The following ZSWIM4 variants were observed in gnomAD, a reference collection of about 807,000 sequenced individuals.
The protein encoded by ZSWIM4 is zinc finger SWIM-type containing 4.
Under a neutral mutation model 102.5 loss-of-function variants are expected in ZSWIM4, and 62 were observed. That is an observed-to-expected ratio of 0.60 (90% CI 0.49 to 0.75). The LOEUF (loss-of-function observed/expected upper bound fraction) is 0.75, where lower values mean the gene tolerates loss of function less well. Ranked by LOEUF, ZSWIM4 falls within the 30% of genes least tolerant of loss-of-function variation. The pLI is 0.00. For missense variants in ZSWIM4, 1,280 were observed against 1,529.6 expected (o/e 0.84, Z 2.72); for synonymous variants, 652 against 674.5 (o/e 0.97, Z 0.52).
At chr19:13,805,993 GA>G (rs1177028947) in intron 3 of ZSWIM4, among the ~76,000 whole-genome samples, 8 of 149,142 alleles carry the variant, frequency 5.4e-5, no homozygotes. Flanking sequence ...AAGCGTTCAT[GA>G]TCAGTCACTG....
Position 13,819,393 on chromosome 19 carries a change from G to C in ZSWIM4, c.1961G>C (p.Arg654Pro). ...PFSGFGEVLF[R>P]ESVPMHTCAR... ...AGTGGCTTTGGGGAGGTGCTGTTCCGGGAGAGCGTGCCCATGCACACCTGT... is the reference window on the plus strand; with the variant it reads ...AGTGGCTTTGGGGAGGTGCTGTTCCCGGAGAGCGTGCCCATGCACACCTGT... Residue 654 changes from arginine (R) to proline (P), a missense_variant, in exon 10 of 14, where the codon CGG (arginine) becomes CCG (proline). Transcript: ENST00000590508. 1.2e-6 allele frequency: 2 copies of C among 1,613,318 alleles called. No individual in the cohort carries two copies. Among genetic ancestry groups the C allele is most frequent in the Non-Finnish European group, 1.7e-6 (2 of 1,179,712 alleles).
intron 1 of ZSWIM4, among the ~76,000 whole-genome samples, chr19:13,797,926 G>A (rs550935133): frequency 1.3e-5 from 2 of 152,240 alleles, no homozygotes; most frequent in South Asian, 4.2e-4. Flanking sequence ...CAAAGTGTTG[G>A]AATTACAGGC....
rs1277752099 is a variant in ZSWIM4 at position 13,831,218 on chromosome 19, CTG to C, written c.*171_*172del. 1.2e-6 allele frequency: 1 copy of C among 862,212 alleles called. No individual in the cohort carries two copies. Among genetic ancestry groups the C allele is most frequent in the Non-Finnish European group, 1.7e-6 (1 of 582,386 alleles). 53.4% of individuals were successfully genotyped at this position (862,212 alleles called of 1,614,324 possible). On this transcript the variant is annotated 3_prime_UTR_variant, in exon 14 of 14. Transcript: ENST00000590508. Reference sequence around the variant, plus strand: ...TCCTGCCACGTGTGTGCCTGGGAGTCTGTGAGCAAGTGTGCAAGACTCCAGAA... The same window carrying C: ...TCCTGCCACGTGTGTGCCTGGGAGTCTGAGCAAGTGTGCAAGACTCCAGAA...
At chr19:13,804,641 T>C in intron 2 of ZSWIM4, 151 bp from the exon 3 acceptor site, 2 of 655,746 alleles carry the variant, frequency 3.0e-6, no homozygotes, top group Non-Finnish European at 5.2e-6. Context: ...AGCGAGATTT[T>C]GTTTCAAAAA....
Position 13,804,623 on chromosome 19 carries a change from G to A in ZSWIM4, c.356-169G>A, listed in dbSNP as rs148527153. 3.8e-3 allele frequency among the ~76,000 whole-genome samples: 582 copies of A among 152,048 alleles called. 3 individuals are homozygous for A. Among genetic ancestry groups the A allele is most frequent in the Non-Finnish European group, 6.8e-3 (459 of 67,990 alleles). On this transcript the variant is annotated intron_variant, in intron 2 of 13. Coordinates refer to ENST00000590508, the MANE Select transcript of ZSWIM4 (RefSeq NM_001367834.3). ...GGTCGCAGCACTACACTCCAGCCTG[G>A]GCCACAGAGCGAGATTTTGTTTCAA...
chr19:13,819,216 C>G (rs1428650386), intron 9 of ZSWIM4, 141 bp from the exon 10 acceptor site: 22 of 1,185,272 alleles, frequency 1.9e-5, no homozygotes, highest in Admixed American at 2.8e-5. Flanking sequence ...ACCTGAACCC[C>G]TACCCCAGAG....
chr19:13,799,437 C>G (rs1040805251), intron 1 of ZSWIM4, among the ~76,000 whole-genome samples: 10 of 151,742 alleles, frequency 6.6e-5, no homozygotes, highest in African/African-American at 2.4e-4. Context: ...CCACACCCGG[C>G]TAATTTTTTT....
Position 13,831,185 on chromosome 19 carries a change from G to T in ZSWIM4, c.*135G>T. ...GCCCGGCTGGAGATGGGGGCAGGGG[G>T]AGCAGCATCCTGCCACGTGTGTGCC... On this transcript the variant is annotated 3_prime_UTR_variant, in exon 14 of 14. Transcript: ENST00000590508. 8.5e-7 allele frequency: 1 copy of T among 1,182,526 alleles called. No individual in the cohort carries two copies. The highest frequency in any genetic ancestry group is 1.2e-6 in the Non-Finnish European group (1 of 862,570). 73.3% of individuals were successfully genotyped at this position (1,182,526 alleles called of 1,614,324 possible). A position where few individuals can be genotyped will look rare whatever the true frequency, so the allele number is the denominator to read the frequency against.
At chr19:13,804,495 A>C (rs1312450035) in intron 2 of ZSWIM4, among the ~76,000 whole-genome samples, 3 of 151,806 alleles carry the variant, frequency 2.0e-5, no homozygotes, top group Non-Finnish European at 2.9e-5. Context: ...TAAATAAATA[A>C]AATTAGCCGG....
chr19:13,814,993 C>G, intron 7 of ZSWIM4, 128 bp downstream of exon 7: 1 of 452,590 alleles, frequency 2.2e-6, no homozygotes, highest in Non-Finnish European at 3.1e-6. Flanking sequence ...AATGTCTCTA[C>G]AAAAATTAAA....
At chr19:13,822,447 T>G (rs1975492808) in intron 10 of ZSWIM4, among the ~76,000 whole-genome samples, 1 of 152,202 alleles carries the variant, frequency 6.6e-6, no homozygotes, top group African/African-American at 2.4e-5. Context: ...AATTCAAATT[T>G]CAGTGTCCAG....
intron 11 of ZSWIM4, among the ~76,000 whole-genome samples, chr19:13,824,734 A>AAAT (rs59668197): frequency 0.13 from 18,903 of 146,420 alleles, 1,231 homozygotes; most frequent in Middle Eastern, 0.2. Context: ...CTCCATCTCA[A>AAAT]AATAATAATA....
intron 3 of ZSWIM4, among the ~76,000 whole-genome samples, chr19:13,805,523 G>T (rs1974896348): frequency 6.6e-6 from 1 of 151,844 alleles, no homozygotes; most frequent in Non-Finnish European, 1.5e-5. Context: ...TGTCAGAGGT[G>T]TTATGGGTGA....
chr19:13,796,244 T>C, intron 1 of ZSWIM4, among the ~76,000 whole-genome samples: 1 of 149,646 alleles, frequency 6.7e-6, no homozygotes, highest in Admixed American at 6.7e-5. Context: ...TCCTACCGCA[T>C]CTTTATTCGC....
At chr19:13,808,240 A>C (rs1486115881) in intron 3 of ZSWIM4, among the ~76,000 whole-genome samples, 1 of 152,112 alleles carries the variant, frequency 6.6e-6, no homozygotes, top group African/African-American at 2.4e-5. Context: ...ACACAGAGCC[A>C]AACCATATCA....
Position 13,808,807 on chromosome 19 carries a change from C to T in ZSWIM4, c.713-29C>T, listed in dbSNP as rs1568331705. The stretch of plus-strand genomic sequence containing the variant: ...ACCCAACCCCAACTCCAGCCCCAGC[C>T]TCAGCTTCCTTTCCCTCCCTCCCGG... On this transcript the variant is annotated intron_variant, in intron 3 of 13. Coordinates refer to ENST00000590508, the MANE Select transcript of ZSWIM4 (RefSeq NM_001367834.3). 2.6e-6 allele frequency: 4 copies of T among 1,567,552 alleles called. No homozygotes were observed. In the South Asian group the frequency reaches 4.7e-5, roughly 18 times the overall value.
At chr19:13,812,458 C>CT (rs1169781960) in intron 5 of ZSWIM4, among the ~76,000 whole-genome samples, 5,219 of 117,380 alleles carry the variant, frequency 0.044, 406 homozygotes, top group African/African-American at 0.16. Flanking sequence ...GTAATCCCAA[C>CT]TTTTTTTTTT....
rs1026818720 is a variant in ZSWIM4, at chr19:13,825,834, C to G, written c.2379+121C>G. 14 of 1,300,714 alleles carry G rather than the reference C, an allele frequency of 1.1e-5. No homozygotes were observed. The African/African-American group carries it at 1.9e-4, about 18-fold the overall frequency. The allele number at this position is 1,300,714 out of a possible 1,614,324, so 80.6% of individuals were successfully genotyped here. A position where few individuals can be genotyped will look rare whatever the true frequency, so the allele number is the denominator to read the frequency against. On this transcript the variant is annotated intron_variant, in intron 12 of 13. Coordinates refer to ENST00000590508, the MANE Select transcript of ZSWIM4 (RefSeq NM_001367834.3). The surrounding 1 kb of genome is among the most constrained non-coding windows in gnomAD (Gnocchi z 4.6). ...CACTTCGCTGGGGGCCCGGCATTTG[C>G]GTGAGCTATTCCTCTGTGGCTGGGG...
At chr19:13,821,233 C>A (rs113161953) in intron 10 of ZSWIM4, among the ~76,000 whole-genome samples, 41 of 148,792 alleles carry the variant, frequency 2.8e-4, no homozygotes, top group African/African-American at 9.9e-4. Flanking sequence ...GCAATGAGCC[C>A]AGATCGCACC....
Sources: allele counts gnomAD v4.1 joint callset (sites outside exome capture counted in the v4.1 genomes callset), GRCh38; gene constraint gnomAD v4.1.1; non-coding constraint Gnocchi (gnomAD v3.1); transcripts MANE v1.5; gene names NCBI Gene and HGNC (gene_info 2026-07-23, HGNC 2026-07-21).